STPG2: variants seen among roughly 807,000 people sequenced by gnomAD.
STPG2 encodes the protein sperm-tail PG-rich repeat-containing protein 2.
Under a neutral mutation model 54.2 loss-of-function variants are expected in STPG2, and 56 were observed. That is an observed-to-expected ratio of 1.03 (90% CI 0.83 to 1.29). STPG2 has a LOEUF of 1.29. STPG2 is among the 50% of genes most tolerant of loss of function. STPG2 has a pLI of 0.00. For missense variants in STPG2, 596 were observed against 544.9 expected (o/e 1.09, Z -0.93); for synonymous variants, 200 against 181.8 (o/e 1.10, Z -0.81).
intron 10 of STPG2, among the ~76,000 whole-genome samples, chr4:97,562,238 T>C (rs1732273331): frequency 6.6e-6 from 1 of 152,160 alleles, no homozygotes; most frequent in Non-Finnish European, 1.5e-5. Context: ...TTTGGCTCTC[T>C]GTTTGTCTGT....
chr4:97,482,873 T>A (rs1730259349), intron 4 of STPG2, among the ~76,000 whole-genome samples: 1 of 151,712 alleles, frequency 6.6e-6, no homozygotes, highest in Non-Finnish European at 1.5e-5. Context: ...GCAGAAACCC[T>A]ACAAGCTAGA....
Position 97,978,968 on chromosome 4 carries a change from T to A in STPG2, c.772+2191A>T, listed in dbSNP as rs544685019. ...CTTAGACAATGGTGCCCTAACAACTTAAGGGTGTTAAAAACATAATAGCCT... is the reference window on the plus strand; with the variant it reads ...CTTAGACAATGGTGCCCTAACAACTAAAGGGTGTTAAAAACATAATAGCCT... On this transcript the variant is annotated intron_variant, in intron 6 of 10. Transcript: ENST00000295268. 1.7e-3 allele frequency among the ~76,000 whole-genome samples: 264 copies of A among 152,052 alleles called. 2 individuals are homozygous for A. The highest frequency in any genetic ancestry group is 5.9e-3 in the African/African-American group (247 of 41,530).
chr4:97,477,422 G>A (rs1410173036), intron 4 of STPG2, among the ~76,000 whole-genome samples: 1 of 150,038 alleles, frequency 6.7e-6, no homozygotes, highest in Admixed American at 6.6e-5. Flanking sequence ...TTATATCATT[G>A]TAATCTATCC....
At chr4:97,927,136 C>T (rs1732360246) in intron 8 of STPG2, among the ~76,000 whole-genome samples, 1 of 152,040 alleles carries the variant, frequency 6.6e-6, no homozygotes. Flanking sequence ...AGATGATACA[C>T]AAAATATTTA....
chr4:97,691,120 A>G (rs1472025166), intron 10 of STPG2, among the ~76,000 whole-genome samples: 1 of 152,188 alleles, frequency 6.6e-6, no homozygotes, highest in Non-Finnish European at 1.5e-5. Context: ...TTTTTCTCCA[A>G]GAACTACCAC....
intron 10 of STPG2, among the ~76,000 whole-genome samples, chr4:97,676,007 T>C: frequency 6.8e-6 from 1 of 146,220 alleles, no homozygotes; most frequent in African/African-American, 2.5e-5. Context: ...ATATATACTA[T>C]ATATATTACT....
intron 10 of STPG2, among the ~76,000 whole-genome samples, chr4:97,594,399 T>C: frequency 6.6e-6 from 1 of 152,084 alleles, no homozygotes. Context: ...GAGGAAAGAA[T>C]CTCAGAGCTC....
At chr4:97,880,015 A>G (rs982180787) in intron 8 of STPG2, among the ~76,000 whole-genome samples, 1 of 152,188 alleles carries the variant, frequency 6.6e-6, no homozygotes, top group African/African-American at 2.4e-5. Flanking sequence ...TTTTTGCAGC[A>G]TTATTCACAA....
At chr4:97,816,524 G>A (rs1727915793) in intron 9 of STPG2, among the ~76,000 whole-genome samples, 1 of 152,030 alleles carries the variant, frequency 6.6e-6, no homozygotes, top group Non-Finnish European at 1.5e-5. Context: ...CTATTTCAGA[G>A]ACCTGTTTAA....
intron 10 of STPG2, among the ~76,000 whole-genome samples, chr4:97,689,469 G>A (rs1723297231): frequency 1.3e-5 from 2 of 151,984 alleles, no homozygotes; most frequent in Non-Finnish European, 2.9e-5. Flanking sequence ...CAATTGATCA[G>A]GGTTGTGATA....
At chr4:97,723,393 C>T (rs182862887) in intron 9 of STPG2, among the ~76,000 whole-genome samples, 138 of 152,072 alleles carry the variant, frequency 9.1e-4, no homozygotes, top group African/African-American at 3.1e-3. Context: ...ATTGGGATGA[C>T]GGATTCAATG....
chr4:97,493,712 T>G (rs1730551430), intron 4 of STPG2, among the ~76,000 whole-genome samples: 1 of 151,582 alleles, frequency 6.6e-6, no homozygotes, highest in East Asian at 2.0e-4. Flanking sequence ...AAAAAGTACA[T>G]AAGAAACGAG....
intron 9 of STPG2, among the ~76,000 whole-genome samples, chr4:97,834,711 C>G (rs1259967911): frequency 6.6e-6 from 1 of 152,026 alleles, no homozygotes; most frequent in African/African-American, 2.4e-5. Flanking sequence ...TTTAGACTAA[C>G]CCTGCTTATT....
At chr4:97,672,166 CTT>C (rs70953079) in intron 10 of STPG2, among the ~76,000 whole-genome samples, 5,016 of 80,374 alleles carry the variant, frequency 0.062, 81 homozygotes, top group African/African-American at 0.18. Context: ...ACTGGTAATT[CTT>C]TTTTTTTTTT....
intron 8 of STPG2, among the ~76,000 whole-genome samples, chr4:97,921,677 C>A (rs1578692928): frequency 6.6e-6 from 1 of 151,832 alleles, no homozygotes; most frequent in Admixed American, 6.6e-5. Context: ...TATGCACTTC[C>A]CAGAAGGAGC....
intron 9 of STPG2, among the ~76,000 whole-genome samples, chr4:97,723,974 T>A (rs943944430): frequency 6.6e-6 from 1 of 152,212 alleles, no homozygotes; most frequent in African/African-American, 2.4e-5. Context: ...CCAAACCATA[T>A]CAGTAAGTTT....
chr4:97,470,869 A>G (rs1448946042), intron 4 of STPG2, among the ~76,000 whole-genome samples: 1 of 152,148 alleles, frequency 6.6e-6, no homozygotes, highest in East Asian at 1.9e-4. Flanking sequence ...GAGGTGAATG[A>G]CATAGGCATT....
intron 10 of STPG2, among the ~76,000 whole-genome samples, chr4:97,705,368 C>T (rs972591264): frequency 9.9e-5 from 15 of 151,964 alleles, no homozygotes; most frequent in Non-Finnish European, 2.2e-4. Flanking sequence ...CTCTGTTACC[C>T]AGGCTGGAGT....
intron 5 of STPG2, among the ~76,000 whole-genome samples, chr4:98,078,057 T>A (rs1018045659): frequency 6.6e-6 from 1 of 152,026 alleles, no homozygotes; most frequent in Non-Finnish European, 1.5e-5. Flanking sequence ...TGTTTGTTTC[T>A]CTCCAACTGT....
Sources: gnomAD v4.1 joint callset for allele counts (sites outside exome capture counted in the v4.1 genomes callset) on GRCh38, gnomAD v4.1.1 for gene constraint, MANE v1.5 for transcripts, NCBI Gene and HGNC (gene_info 2026-07-23, HGNC 2026-07-21) for gene names.